ZFHX4: variants seen among roughly 807,000 people sequenced by gnomAD.
ZFHX4 encodes the protein zinc finger homeobox protein 4.
Under a neutral mutation model 267.6 loss-of-function variants are expected in ZFHX4, and 56 were observed. The observed-to-expected ratio is 0.21, with a 90% confidence interval of 0.17 to 0.26. The LOEUF (loss-of-function observed/expected upper bound fraction) is 0.26, where lower values mean the gene tolerates loss of function less well. Ranked by LOEUF, ZFHX4 falls within the 10% of genes least tolerant of loss-of-function variation. ZFHX4 has a pLI of 1.00. For synonymous variants in ZFHX4, 1,778 were observed against 1,665.6 expected (o/e 1.07, Z -1.64); for missense variants, 4,332 against 4,420.0 (o/e 0.98, Z 0.56).
chr8:76,854,570 A>T lies in ZFHX4; in HGVS notation c.7649A>T (p.Gln2550Leu). The T allele has an allele frequency of 6.2e-7, 1 of 1,613,818 alleles. No homozygotes were observed. Among genetic ancestry groups the T allele is most frequent in the African/African-American group, 1.3e-5 (1 of 75,016 alleles). ...FDPNNPLMTG[Q>L]LLGSSLTQMP... ...CCCAACAATCCGCTGATGACTGGACAACTGCTGGGCAGTTCCCTCACTCAA... is the reference window on the plus strand; with the variant it reads ...CCCAACAATCCGCTGATGACTGGACTACTGCTGGGCAGTTCCCTCACTCAA... Residue 2550 changes from glutamine (Q) to leucine (L), a missense_variant, in exon 10 of 11, where the codon CAA (glutamine) becomes CTA (leucine). Physicochemically the swap from Gln to Leu is moderately radical, Grantham distance 113. Around this residue, in one of 7 missense-constraint regions of ZFHX4, gnomAD observed 1,648 missense variants for 1,625.0 expected, o/e 1.01. Transcript: ENST00000651372.
At chr8:76,843,617 G>A (rs1461929375) in intron 6 of ZFHX4, among the ~76,000 whole-genome samples, 4 of 152,096 alleles carry the variant, frequency 2.6e-5, no homozygotes, top group African/African-American at 4.8e-5. Flanking sequence ...TTTGCTGCAC[G>A]CTATACCTCG....
intron 3 of ZFHX4, among the ~76,000 whole-genome samples, chr8:76,712,026 A>G (rs189195610): frequency 1.6e-4 from 25 of 152,320 alleles, no homozygotes; most frequent in African/African-American, 5.8e-4. Context: ...CCTTAATTAT[A>G]CTACCTCTTT....
chr8:76,742,479 T>C (rs918172377), intron 3 of ZFHX4, among the ~76,000 whole-genome samples: 2 of 152,150 alleles, frequency 1.3e-5, no homozygotes, highest in African/African-American at 2.4e-5. Flanking sequence ...TTAGAAGGCC[T>C]GAGAGTTTAG....
chr8:76,788,961 T>C (rs1022190470), intron 4 of ZFHX4, among the ~76,000 whole-genome samples: 2 of 152,234 alleles, frequency 1.3e-5, no homozygotes. Context: ...AAATAGTTCA[T>C]GAAAACATTT....
Position 76,852,851 on chromosome 8 carries a change from C to A in ZFHX4, c.5930C>A (p.Ala1977Glu). 3 of 1,613,740 alleles carry A rather than the reference C, an allele frequency of 1.9e-6. No individual in the cohort carries two copies. The highest frequency in any genetic ancestry group is 1.1e-5 in the South Asian group (1 of 91,046). ...HVHGQFFPYA[A>E]LEKFARQYRE... Reference sequence around the variant, plus strand: ...CATGGGCAATTTTTTCCATATGCAGCGCTAGAAAAATTTGCTCGTCAATAC... The same window carrying A: ...CATGGGCAATTTTTTCCATATGCAGAGCTAGAAAAATTTGCTCGTCAATAC... The change falls in exon 10 of 11, where the codon GCG (alanine) becomes GAG (glutamate). Residue 1977 changes from alanine to glutamate, a missense_variant. This residue lies in a region of ZFHX4 where 1,371 missense variants were observed against 1,423.1 expected (regional missense o/e 0.96). Coordinates refer to ENST00000651372, the MANE Select transcript of ZFHX4 (RefSeq NM_024721.5).
chr8:76,850,154 G>A, intron 8 of ZFHX4, 91 bp from the exon 9 acceptor site: 1 of 1,027,552 alleles, frequency 9.7e-7, no homozygotes, highest in Non-Finnish European at 1.4e-6. Flanking sequence ...ATAAACAAAT[G>A]TAAGTGGGAT....
At chr8:76,730,709 T>A (rs545028303) in intron 3 of ZFHX4, among the ~76,000 whole-genome samples, 97 of 151,970 alleles carry the variant, frequency 6.4e-4, no homozygotes, top group African/African-American at 2.2e-3. Flanking sequence ...AAAAAATAAA[T>A]AAATAAATAA....
intron 9 of ZFHX4, 129 bp from the exon 10 acceptor site, chr8:76,850,757 C>A: frequency 8.7e-7 from 1 of 1,151,392 alleles, no homozygotes; most frequent in South Asian, 2.0e-5. Flanking sequence ...ATAGTAGTTG[C>A]TCAGTAAACA....
At chr8:76,860,790 T>A (rs933575833) in intron 10 of ZFHX4, among the ~76,000 whole-genome samples, 1 of 152,154 alleles carries the variant, frequency 6.6e-6, no homozygotes, top group Non-Finnish European at 1.5e-5. Flanking sequence ...TAGTGTATAC[T>A]GTGGTGAAAT....
chr8:76,758,222 G>A (rs917179848), intron 3 of ZFHX4, among the ~76,000 whole-genome samples: 1 of 152,070 alleles, frequency 6.6e-6, no homozygotes, highest in African/African-American at 2.4e-5. Flanking sequence ...GGAGCATAGA[G>A]GACAGAGAAT....
rs1429462952 is a variant in ZFHX4 at position 76,865,698 on chromosome 8, G to A, written c.*1133G>A. The A allele has an allele frequency of 1.3e-5, 2 of 152,444 alleles. No homozygotes were observed. The highest frequency in any genetic ancestry group is 6.6e-5 in the Admixed American group (1 of 15,242). 9.4% of individuals were successfully genotyped at this position (152,444 alleles called of 1,614,324 possible). On this transcript the variant is annotated 3_prime_UTR_variant, in exon 11 of 11. Transcript: ENST00000651372. ...TGCTTCTCGGGAAAGCAAAGAAGCT[G>A]CTTTAAAAAATAAAAAGGGGACTAA...
chr8:76,806,074 A>T (rs923185157), intron 4 of ZFHX4, among the ~76,000 whole-genome samples: 1 of 152,118 alleles, frequency 6.6e-6, no homozygotes, highest in African/African-American at 2.4e-5. Context: ...CCCATCCTTT[A>T]TAGGAATCAC....
intron 1 of ZFHX4, among the ~76,000 whole-genome samples, chr8:76,697,204 T>C (rs1179651057): frequency 6.6e-6 from 1 of 152,016 alleles, no homozygotes; most frequent in Non-Finnish European, 1.5e-5. Context: ...CAATAATCAA[T>C]TTCATATATG....
At position 76,863,146 on chromosome 8, in the gene ZFHX4, G is replaced by A. The variant is rs544161218; in HGVS notation, c.9432G>A (p.Ser3144=). 22 of 1,543,492 alleles carry A rather than the reference G, an allele frequency of 1.4e-5. No individual in the cohort carries two copies. The highest frequency in any genetic ancestry group is 8.1e-5 in the Admixed American group (4 of 49,478). Residue 3144 remains serine, a synonymous_variant, in exon 11 of 11, where the codon TCG becomes TCA. Coordinates refer to ENST00000651372, the MANE Select transcript of ZFHX4 (RefSeq NM_024721.5). The part of the protein sequence containing the change: ...GMLGFPTSAT[S]SPALSLSSAP... Reference sequence around the variant, plus strand: ...TTGGGTTTCCTACTTCAGCTACTTCGTCTCCTGCCCTGTCTCTCAGCAGTG... The same window carrying A: ...TTGGGTTTCCTACTTCAGCTACTTCATCTCCTGCCCTGTCTCTCAGCAGTG...
intron 6 of ZFHX4, 109 bp downstream of exon 6, chr8:76,842,880 C>G (rs1383861535): frequency 4.2e-6 from 3 of 719,080 alleles, no homozygotes; most frequent in Non-Finnish European, 6.8e-6. Flanking sequence ...AGCTTTTATT[C>G]ATTTTAAACT....
At chr8:76,782,896 C>T (rs768969429) in intron 4 of ZFHX4, among the ~76,000 whole-genome samples, 1 of 151,992 alleles carries the variant, frequency 6.6e-6, no homozygotes, top group Non-Finnish European at 1.5e-5. Context: ...AATTAATCAG[C>T]TCTCGTGCTA....
intron 4 of ZFHX4, among the ~76,000 whole-genome samples, chr8:76,806,898 GA>G (rs778797944): frequency 6.6e-6 from 1 of 151,994 alleles, no homozygotes; most frequent in Non-Finnish European, 1.5e-5. Flanking sequence ...TGAGATTTGG[GA>G]TTCACCTTGG....
chr8:76,767,733 C>T (rs1810088757), intron 3 of ZFHX4, among the ~76,000 whole-genome samples: 2 of 152,264 alleles, frequency 1.3e-5, no homozygotes, highest in Non-Finnish European at 2.9e-5. Flanking sequence ...AAACTTTGGG[C>T]TCTCAACAAA....
chr8:76,735,960 G>A lies in ZFHX4; in HGVS notation c.3093+27912G>A, dbSNP rs117826251. Among the ~76,000 whole-genome samples, 1,085 of 151,908 alleles carry A rather than the reference G, an allele frequency of 7.1e-3. 31 individuals carry two copies. Among genetic ancestry groups the A allele is most frequent in the Admixed American group, 0.046 (705 of 15,232 alleles). On this transcript the variant is annotated intron_variant, in intron 3 of 10. Coordinates refer to ENST00000651372, the MANE Select transcript of ZFHX4 (RefSeq NM_024721.5). ...AATCTTCAATATCAACTTTAAGAGCGGAATATAATATGCAAATGGAACACA... is the reference window on the plus strand; with the variant it reads ...AATCTTCAATATCAACTTTAAGAGCAGAATATAATATGCAAATGGAACACA...
Sources: gnomAD v4.1 joint callset for allele counts (sites outside exome capture counted in the v4.1 genomes callset) on GRCh38, gnomAD v4.1.1 for gene constraint, gnomAD v4.1.1 regional missense constraint, MANE v1.5 for transcripts, NCBI Gene and HGNC (gene_info 2026-07-23, HGNC 2026-07-21) for gene names.